The following STON2 variants were observed in gnomAD, a reference collection of about 807,000 sequenced individuals.
STON2 encodes the protein stonin-2.
A neutral mutation model predicts 65.7 loss-of-function variants in STON2; 29 were observed. That is an observed-to-expected ratio of 0.44 (90% confidence interval 0.33 to 0.60). STON2 has a LOEUF of 0.60. STON2 is among the 20% of genes least tolerant of loss of function. STON2 has a pLI of 0.03. For synonymous variants in STON2, 404 were observed against 414.2 expected (o/e 0.98, Z 0.30); for missense variants, 1,054 against 1,118.1 (o/e 0.94, Z 0.82).
At chr14:81,294,685 T>G (rs547769625) in intron 5 of STON2, among the ~76,000 whole-genome samples, 5 of 152,300 alleles carry the variant, frequency 3.3e-5, no homozygotes, top group African/African-American at 1.2e-4. Flanking sequence ...GAAAGAGACA[T>G]CTGGAATTGT....
chr14:81,370,941 C>G, intron 4 of STON2, 47 bp downstream of exon 4: 1 of 1,575,530 alleles, frequency 6.3e-7, no homozygotes, highest in South Asian at 1.1e-5. Context: ...GACCTGGGTA[C>G]ACCAAAAGTG....
At chr14:81,429,725 G>C (rs1189112082) in intron 1 of STON2, among the ~76,000 whole-genome samples, 4 of 152,166 alleles carry the variant, frequency 2.6e-5, no homozygotes, top group African/African-American at 7.2e-5. Context: ...CCTGAGGTCA[G>C]AAGTTCGAGA....
chr14:81,353,812 A>G (rs965089614), intron 4 of STON2, among the ~76,000 whole-genome samples: 4 of 152,156 alleles, frequency 2.6e-5, no homozygotes, highest in African/African-American at 9.7e-5. Flanking sequence ...CAGAGCCCAC[A>G]GCAAACAGGA....
chr14:81,428,720 C>A (rs1902100103), intron 1 of STON2, among the ~76,000 whole-genome samples: 1 of 151,850 alleles, frequency 6.6e-6, no homozygotes, highest in Admixed American at 6.6e-5. Flanking sequence ...GATACTCTGT[C>A]TCAAAAAAAA....
In STON2 at chr14:81,413,111, A is replaced by G. The variant is rs1668651474; in HGVS notation, c.-199+13991T>C. The G allele has an allele frequency of 4.1e-6, 5 of 1,210,458 alleles. 1 individual carries two copies. The Admixed American group carries it at 8.9e-5, about 22-fold the overall frequency. The allele number at this position is 1,210,458 out of a possible 1,614,324, so 75.0% of individuals were successfully genotyped here. A position where few individuals can be genotyped will look rare whatever the true frequency, so the allele number is the denominator to read the frequency against. ...GGCTCATATCAAGAAGGAATGTGAC[A>G]AGAAGTACAATCCCACCTGACACTG... On this transcript the variant is annotated intron_variant, in intron 2 of 8. Transcript: ENST00000553821.
chr14:81,311,149 C>CT (rs1177950610), intron 5 of STON2, among the ~76,000 whole-genome samples: 3 of 152,092 alleles, frequency 2.0e-5, no homozygotes, highest in East Asian at 3.9e-4. Context: ...AATTTATATT[C>CT]TTTTTTGTAT....
chr14:81,311,319 C>T, intron 5 of STON2, among the ~76,000 whole-genome samples: 1 of 152,158 alleles, frequency 6.6e-6, no homozygotes, highest in East Asian at 1.9e-4. Context: ...GCTCTGCTCG[C>T]CTCTCTTCCT....
At chr14:81,286,314 A>T (rs527580008) in intron 5 of STON2, among the ~76,000 whole-genome samples, 2 of 152,356 alleles carry the variant, frequency 1.3e-5, no homozygotes, top group East Asian at 1.9e-4. Context: ...TACTACAGAC[A>T]AATCTTTCAT....
At chr14:81,278,769 C>T (rs769990143) in intron 5 of STON2, 30 bp from the exon 6 acceptor site, 3 of 1,495,116 alleles carry the variant, frequency 2.0e-6, no homozygotes, top group Non-Finnish European at 1.8e-6. Flanking sequence ...ATATGAGCTA[C>T]TGTTCAGGGG....
chr14:81,320,204 G>A (rs1435104246), intron 5 of STON2, among the ~76,000 whole-genome samples: 1 of 151,686 alleles, frequency 6.6e-6, no homozygotes, highest in African/African-American at 2.4e-5. Context: ...CAGATTCTAG[G>A]AGAGCAAGCA....
At chr14:81,388,974 T>C (rs959468712) in intron 3 of STON2, among the ~76,000 whole-genome samples, 40 of 152,202 alleles carry the variant, frequency 2.6e-4, no homozygotes, top group African/African-American at 8.9e-4. Context: ...TCCTCCTCCT[T>C]CTCCTCCCAC....
At chr14:81,377,486 G>C (rs141820335) in intron 3 of STON2, among the ~76,000 whole-genome samples, 1 of 152,274 alleles carries the variant, frequency 6.6e-6, no homozygotes, top group Non-Finnish European at 1.5e-5. Flanking sequence ...TTGTGTACAG[G>C]TTTTTGTATG....
intron 5 of STON2, among the ~76,000 whole-genome samples, chr14:81,288,405 T>C (rs770101068): frequency 1.3e-5 from 2 of 152,238 alleles, no homozygotes; most frequent in Non-Finnish European, 2.9e-5. Flanking sequence ...ACTCCGAGGC[T>C]GCATGGTATA....
chr14:81,313,828 C>T (rs891224680), intron 5 of STON2, among the ~76,000 whole-genome samples: 7 of 146,994 alleles, frequency 4.8e-5, no homozygotes, highest in South Asian at 2.1e-4. Flanking sequence ...CACACACACA[C>T]ACACACACAC....
At chr14:81,362,016 A>G (rs1264069270) in intron 4 of STON2, among the ~76,000 whole-genome samples, 1 of 152,182 alleles carries the variant, frequency 6.6e-6, no homozygotes, top group African/African-American at 2.4e-5. Context: ...ATGTGGAGAA[A>G]AGGGAACCCT....
chr14:81,299,409 A>G (rs910777637), intron 5 of STON2, among the ~76,000 whole-genome samples: 1 of 152,238 alleles, frequency 6.6e-6, no homozygotes, highest in Non-Finnish European at 1.5e-5. Flanking sequence ...AGCTAACATC[A>G]CAATGGTGAA....
At position 81,267,834 on chromosome 14, in the gene STON2, C is replaced by A; in HGVS notation, c.*580G>T. The A allele has an allele frequency of 1.0e-6, 1 of 985,404 alleles. No homozygotes were observed. The highest frequency in any genetic ancestry group is 1.2e-6 in the Non-Finnish European group (1 of 829,946). The allele number at this position is 985,404 out of a possible 1,614,324, so 61.0% of individuals were successfully genotyped here. ...GAAAAAGTGTTCCAATCTAAACGAT[C>A]TAGAGCCAGGAGGGAAATGTCTTGA... is the stretch of plus-strand genomic sequence containing the variant. On this transcript the variant is annotated 3_prime_UTR_variant, in exon 8 of 8. Coordinates refer to ENST00000614646, the MANE Select transcript of STON2 (RefSeq NM_001394390.1).
intron 5 of STON2, among the ~76,000 whole-genome samples, chr14:81,307,111 T>A (rs1896213415): frequency 1.3e-5 from 2 of 152,164 alleles, no homozygotes; most frequent in South Asian, 4.1e-4. Context: ...CTCCCTTAGA[T>A]CCTCTACATT....
At chr14:81,339,457 G>T (rs1009596595) in intron 4 of STON2, among the ~76,000 whole-genome samples, 3 of 152,164 alleles carry the variant, frequency 2.0e-5, no homozygotes, top group African/African-American at 7.2e-5. Flanking sequence ...AGACAGTGCA[G>T]ATCTCCAACC....
Sources: allele counts gnomAD v4.1 joint callset (sites outside exome capture counted in the v4.1 genomes callset), GRCh38; gene constraint gnomAD v4.1.1; transcripts MANE v1.5; gene names NCBI Gene and HGNC (gene_info 2026-07-23, HGNC 2026-07-21).